The following TBL1XR1 variants were observed in gnomAD, a reference collection of about 807,000 sequenced individuals.
TBL1XR1 encodes the protein F-box-like/WD repeat-containing protein TBL1XR1.
In TBL1XR1, 5 loss-of-function variants were observed where a neutral mutation model predicts 66.9. That is an observed-to-expected ratio of 0.07 (90% CI 0.04 to 0.16). The LOEUF is 0.16. TBL1XR1 is among the 10% of genes least tolerant of loss of function. The probability of loss-of-function intolerance (pLI) is 1.00; values close to 1 mark genes in which losing one functional copy is unlikely to be tolerated. For synonymous variants in TBL1XR1, 210 were observed against 206.0 expected, an observed-to-expected ratio of 1.02 and a Z score of -0.17; for missense variants, 238 against 623.2, an observed-to-expected ratio of 0.38 and a Z score of 6.58.
intron 12 of TBL1XR1, among the ~76,000 whole-genome samples, 176 bp from the exon 13 acceptor site, chr3:177,034,501 C>T (rs996088576): frequency 9.6e-5 from 14 of 145,670 alleles, no homozygotes; most frequent in Admixed American, 5.5e-4. Flanking sequence ...TTAATATTTA[C>T]ATCTCTGTTT....
intron 4 of TBL1XR1, among the ~76,000 whole-genome samples, chr3:177,053,210 A>G (rs552264628): frequency 6.6e-6 from 1 of 152,348 alleles, no homozygotes; most frequent in Middle Eastern, 3.4e-3. Context: ...TAGGCTCTGC[A>G]GGCCATAAGG....
chr3:177,090,949 A>G (rs1307411478), intron 2 of TBL1XR1, among the ~76,000 whole-genome samples: 5 of 152,148 alleles, frequency 3.3e-5, no homozygotes, highest in African/African-American at 1.2e-4. Context: ...TGATCAGGCC[A>G]CTGCAATCCT....
At chr3:177,054,050 G>C (rs960570435) in intron 3 of TBL1XR1, 132 bp from the exon 4 acceptor site, 2 of 300,992 alleles carry the variant, frequency 6.6e-6, no homozygotes, top group Non-Finnish European at 1.1e-5. Context: ...AAGGTCGTGT[G>C]TGTGTGTGTG....
intron 1 of TBL1XR1, among the ~76,000 whole-genome samples, chr3:177,164,431 C>A (rs1394985249): frequency 6.6e-6 from 1 of 151,442 alleles, no homozygotes; most frequent in Admixed American, 6.6e-5. Context: ...CTCACTACAA[C>A]CTCCATCTCC....
intron 2 of TBL1XR1, among the ~76,000 whole-genome samples, chr3:177,070,486 C>T (rs1407053994): frequency 1.3e-5 from 2 of 152,106 alleles, no homozygotes; most frequent in Non-Finnish European, 2.9e-5. Flanking sequence ...AATAACTAAG[C>T]AGTAATCAGT....
chr3:177,057,115 G>GT (rs1717904513), intron 3 of TBL1XR1, among the ~76,000 whole-genome samples: 1 of 152,014 alleles, frequency 6.6e-6, no homozygotes, highest in Non-Finnish European at 1.5e-5. Context: ...TACACACCCC[G>GT]TCTCACTCCC....
intron 3 of TBL1XR1, among the ~76,000 whole-genome samples, chr3:177,060,141 T>C (rs1010914236): frequency 6.6e-6 from 1 of 152,178 alleles, no homozygotes; most frequent in Non-Finnish European, 1.5e-5. Flanking sequence ...AGACAGCCTA[T>C]TGTGGGTCTT....
At chr3:177,046,996 G>A (rs1426252410) in intron 9 of TBL1XR1, among the ~76,000 whole-genome samples, 2 of 151,950 alleles carry the variant, frequency 1.3e-5, no homozygotes, top group African/African-American at 4.8e-5. Context: ...TCACTCCAGA[G>A]CCATATTCAC....
intron 2 of TBL1XR1, among the ~76,000 whole-genome samples, chr3:177,085,579 A>AT (rs1281189846): frequency 6.6e-6 from 1 of 152,322 alleles, no homozygotes; most frequent in East Asian, 1.9e-4. Context: ...AGTAGACACG[A>AT]TAAAAAAAAG....
intron 1 of TBL1XR1, among the ~76,000 whole-genome samples, chr3:177,156,133 G>C (rs866245371): frequency 2.0e-4 from 13 of 64,074 alleles, no homozygotes; most frequent in Middle Eastern, 0.022. Flanking sequence ...AAAAAACCTA[G>C]AATTCATGAA....
At chr3:177,134,955 G>GTGTGTGTGTGTCTGTGTGTGTGTC (rs772884680) in intron 1 of TBL1XR1, among the ~76,000 whole-genome samples, 1 of 141,742 alleles carries the variant, frequency 7.1e-6, no homozygotes, top group Non-Finnish European at 1.5e-5. Flanking sequence ...CTGTGTGTGT[G>GTGTGTGTGTGTCTGTGTGTGTGTC]TGTGTGTGTG....
intron 2 of TBL1XR1, among the ~76,000 whole-genome samples, chr3:177,095,217 G>C (rs189635131): frequency 6.1e-4 from 92 of 152,040 alleles, no homozygotes; most frequent in South Asian, 5.6e-3. Context: ...AGGGGGAGAG[G>C]GGGGTGTTGG....
intron 1 of TBL1XR1, among the ~76,000 whole-genome samples, chr3:177,129,105 T>G (rs184254817): frequency 6.6e-6 from 1 of 152,108 alleles, no homozygotes; most frequent in African/African-American, 2.4e-5. Flanking sequence ...CAAAAGACAG[T>G]AGGCCCACAG....
At position 177,051,563 on chromosome 3, in the gene TBL1XR1, G is replaced by A; in HGVS notation, c.368C>T (p.Ser123Phe). ...AAAAAASQQG[S>F]AKNGENTANG... is the part of the protein sequence containing the mutation. ...TGCTGTGTTTTCTCCATTTTTTGCAGATCCTTGTTGGCTGGCTGCAGCTGC... is the reference window on the plus strand; with the variant it reads ...TGCTGTGTTTTCTCCATTTTTTGCAAATCCTTGTTGGCTGGCTGCAGCTGC... Residue 123 changes from serine (S) to phenylalanine (F), a missense_variant, in exon 5 of 16, where the codon TCT (serine) becomes TTT (phenylalanine). Ser to Phe is a radical substitution (Grantham distance 155). Coordinates refer to ENST00000457928, the MANE Select transcript of TBL1XR1 (RefSeq NM_024665.7). 1 of 1,613,526 alleles carries A rather than the reference G, an allele frequency of 6.2e-7. No homozygotes were observed. The highest frequency in any genetic ancestry group is 8.5e-7 in the Non-Finnish European group (1 of 1,179,716).
chr3:177,150,033 A>G (rs1216711604), intron 1 of TBL1XR1, among the ~76,000 whole-genome samples: 1 of 152,214 alleles, frequency 6.6e-6, no homozygotes, highest in Non-Finnish European at 1.5e-5. Context: ...TATGTAGCAT[A>G]CTATACAATT....
At chr3:177,031,455 T>TC (rs1713993954) in intron 14 of TBL1XR1, among the ~76,000 whole-genome samples, 1 of 151,434 alleles carries the variant, frequency 6.6e-6, no homozygotes. Flanking sequence ...TGCCTCAGCC[T>TC]CCCGAGTAGC....
chr3:177,106,933 A>G (rs1724963849), intron 1 of TBL1XR1, among the ~76,000 whole-genome samples: 1 of 152,044 alleles, frequency 6.6e-6, no homozygotes, highest in African/African-American at 2.4e-5. Context: ...AAAAATTATC[A>G]TTTATAAAAC....
intron 1 of TBL1XR1, among the ~76,000 whole-genome samples, chr3:177,143,471 G>GT (rs1359895637): frequency 2.0e-5 from 3 of 151,806 alleles, no homozygotes; most frequent in African/African-American, 7.3e-5. Flanking sequence ...AATGCTGTAA[G>GT]TTTTTTACAG....
chr3:177,027,585 C>T (rs1189573765), intron 14 of TBL1XR1: 4 of 151,594 alleles, frequency 2.6e-5, no homozygotes, highest in African/African-American at 9.7e-5. Flanking sequence ...TTTATGGTAA[C>T]CTAAAGTCAA....
Sources: gnomAD v4.1 joint callset for allele counts (sites outside exome capture counted in the v4.1 genomes callset) on GRCh38, gnomAD v4.1.1 for gene constraint, MANE v1.5 for transcripts, NCBI Gene and HGNC (gene_info 2026-07-23, HGNC 2026-07-21) for gene names.